The following COL4A6 variants were observed in gnomAD, a reference collection of about 807,000 sequenced individuals.
COL4A6 encodes the protein collagen alpha-6(IV) chain.
Under a neutral mutation model 126.7 loss-of-function variants are expected in COL4A6, and 59 were observed. The ratio of observed to expected loss-of-function variants is 0.47; its 90% CI spans 0.38 to 0.58. The LOEUF (loss-of-function observed/expected upper bound fraction) is 0.58. Among genes scored for constraint, COL4A6 ranks in the 20% least tolerant of loss-of-function variants. The probability of loss-of-function intolerance (pLI) is 0.00; values close to 1 mark genes in which losing one functional copy is unlikely to be tolerated. For missense variants in COL4A6, 1,285 were observed against 1,337.3 expected (o/e 0.96, Z 0.61); for synonymous variants, 547 against 496.6 (o/e 1.10, Z -1.35).
At chrX:108,249,679 C>T (rs1196980224) in intron 3 of COL4A6, among the ~76,000 whole-genome samples, 3 of 111,207 alleles carry the variant, frequency 2.7e-5, no homozygotes, top group Non-Finnish European at 5.7e-5. Context: ...TTGGGGTTTC[C>T]TCATGTCCTT....
chrX:108,391,214 A>G (rs2040830693), intron 2 of COL4A6, among the ~76,000 whole-genome samples: 1 of 112,075 alleles, frequency 8.9e-6, no homozygotes. Context: ...TTATCAGAGC[A>G]CAAACGCTGT....
chrX:108,313,921 T>C (rs2038821228), intron 2 of COL4A6, among the ~76,000 whole-genome samples: 1 of 111,571 alleles, frequency 9.0e-6, no homozygotes, highest in East Asian at 2.8e-4. Flanking sequence ...TTCTCTCAAA[T>C]GATAAACAAC....
chrX:108,239,143 C>T (rs1334657625), intron 3 of COL4A6, among the ~76,000 whole-genome samples: 3 of 112,305 alleles, frequency 2.7e-5, no homozygotes, highest in Non-Finnish European at 5.6e-5. Flanking sequence ...TTCTCCCAGT[C>T]TATCATCTGT....
chrX:108,350,608 A>G (rs991701587), intron 2 of COL4A6, among the ~76,000 whole-genome samples: 3 of 111,618 alleles, frequency 2.7e-5, no homozygotes, highest in Non-Finnish European at 5.6e-5. Context: ...TTGCCCTGAC[A>G]TGCTCATGGG....
intron 2 of COL4A6, among the ~76,000 whole-genome samples, chrX:108,430,768 C>T (rs2064163002): frequency 8.9e-6 from 1 of 111,773 alleles, no homozygotes; most frequent in African/African-American, 3.3e-5. Flanking sequence ...TAAAAAAGAT[C>T]ACAGCTGGTT....
intron 2 of COL4A6, among the ~76,000 whole-genome samples, chrX:108,384,164 C>T (rs1201901963): frequency 2.7e-5 from 3 of 111,678 alleles, no homozygotes; most frequent in Non-Finnish European, 5.6e-5. Context: ...ATCCTCTATA[C>T]TTTTAACCAC....
At chrX:108,418,592 A>G (rs1264744583) in intron 2 of COL4A6, among the ~76,000 whole-genome samples, 1 of 112,361 alleles carries the variant, frequency 8.9e-6, no homozygotes. Context: ...ATATACCATA[A>G]GTAAAACTGG....
At chrX:108,176,371 G>A (rs1202597513) in intron 28 of COL4A6, among the ~76,000 whole-genome samples, 2 of 103,906 alleles carry the variant, frequency 1.9e-5, no homozygotes, top group East Asian at 6.1e-4. Flanking sequence ...GCTCATGTGT[G>A]ATACAGGAAA....
intron 2 of COL4A6, among the ~76,000 whole-genome samples, chrX:108,352,797 C>T (rs1569439337): frequency 8.9e-6 from 1 of 112,280 alleles, no homozygotes; most frequent in South Asian, 3.7e-4. Context: ...TAAGGGATTA[C>T]GTGCTTACAG....
At chrX:108,379,460 T>C (rs1357725250) in intron 2 of COL4A6, among the ~76,000 whole-genome samples, 1 of 97,818 alleles carries the variant, frequency 1.0e-5, no homozygotes, top group African/African-American at 3.8e-5. Flanking sequence ...TTTTTTTTTG[T>C]AGAGAAGGGG....
At chrX:108,356,438 T>C (rs2039962599) in intron 2 of COL4A6, among the ~76,000 whole-genome samples, 1 of 111,406 alleles carries the variant, frequency 9.0e-6, no homozygotes, top group Non-Finnish European at 1.9e-5. Flanking sequence ...GGAATTTACA[T>C]AACAAAGGCT....
At chrX:108,196,909 G>C (rs2035237341) in intron 13 of COL4A6, among the ~76,000 whole-genome samples, 1 of 112,082 alleles carries the variant, frequency 8.9e-6, no homozygotes, top group Non-Finnish European at 1.9e-5. Flanking sequence ...ATCTAGATGG[G>C]TTAAAAATGA....
intron 3 of COL4A6, among the ~76,000 whole-genome samples, chrX:108,273,934 T>G (rs940203557): frequency 8.9e-6 from 1 of 112,270 alleles, no homozygotes; most frequent in African/African-American, 3.2e-5. Context: ...TGTTTATATA[T>G]AATTTTTTTT....
chrX:108,345,283 T>C (rs772995182), intron 2 of COL4A6, among the ~76,000 whole-genome samples: 73 of 111,897 alleles, frequency 6.5e-4, no homozygotes, highest in African/African-American at 2.0e-3. Flanking sequence ...GAGTGGATCT[T>C]ACCACTCATC....
intron 3 of COL4A6, among the ~76,000 whole-genome samples, chrX:108,273,130 T>C (rs1418025847): frequency 9.1e-6 from 1 of 110,243 alleles, no homozygotes; most frequent in African/African-American, 3.3e-5. Flanking sequence ...TTCCCCATCC[T>C]GTGTCCAAGT....
chrX:108,306,217 A>T (rs1455003625), intron 3 of COL4A6, among the ~76,000 whole-genome samples: 1 of 112,405 alleles, frequency 8.9e-6, no homozygotes, highest in Admixed American at 9.4e-5. Flanking sequence ...AAAAATATCC[A>T]TTGGATTTGG....
At chrX:108,171,181 G>T (rs1654197784) in intron 33 of COL4A6, among the ~76,000 whole-genome samples, 1 of 112,207 alleles carries the variant, frequency 8.9e-6, no homozygotes, top group African/African-American at 3.2e-5. Flanking sequence ...CTAAACTAAG[G>T]GGATGTAGGC....
chrX:108,410,995 C>T (rs777568255), intron 2 of COL4A6, among the ~76,000 whole-genome samples: 29 of 112,384 alleles, frequency 2.6e-4, no homozygotes, highest in Non-Finnish European at 4.3e-4. Flanking sequence ...GTCTAGACAT[C>T]AACTCATAGG....
chrX:108,206,552 C>T lies in COL4A6; in HGVS notation c.575G>A (p.Gly192Glu), dbSNP rs771402185. The T allele has an allele frequency of 2.5e-6, 3 of 1,210,276 alleles. No individual in the cohort carries two copies. The highest frequency in any genetic ancestry group is 3.5e-5 in the South Asian group (2 of 56,922). The change falls in exon 9 of 45, where the codon GGA becomes GAA. Residue 192 changes from glycine to glutamate, a missense_variant. Transcript: ENST00000334504. Reference sequence around the variant, plus strand: ...TGGTGGTCCTGCAGGTCCTACAGCTCCAGGAAATCCGGGTGCTCCTTGTGG... The same window carrying T: ...TGGTGGTCCTGCAGGTCCTACAGCTTCAGGAAATCCGGGTGCTCCTTGTGG... ...TGPQGAPGFPGAVGPAGPPGL... is the reference protein window; with the variant it reads ...TGPQGAPGFPEAVGPAGPPGL...
Sources: allele counts gnomAD v4.1 joint callset (sites outside exome capture counted in the v4.1 genomes callset), GRCh38; gene constraint gnomAD v4.1.1; transcripts MANE v1.5; gene names NCBI Gene and HGNC (gene_info 2026-07-23, HGNC 2026-07-21).